Variants in GRIN2B observed in about 807,000 individuals in gnomAD.
GRIN2B encodes glutamate ionotropic receptor NMDA type subunit 2B.
In GRIN2B, 5 loss-of-function variants were observed where a neutral mutation model predicts 114.5. The ratio of observed to expected loss-of-function variants is 0.04; its 90% CI spans 0.02 to 0.09. The LOEUF (loss-of-function observed/expected upper bound fraction) is 0.09, where lower values mean the gene tolerates loss of function less well. Among genes scored for constraint, GRIN2B ranks in the 10% least tolerant of loss-of-function variants. The pLI, the probability that GRIN2B is intolerant of heterozygous loss-of-function variation, is 1.00. For missense variants in GRIN2B, 1,108 were observed against 1,943.5 expected (o/e 0.57, Z 8.08); for synonymous variants, 787 against 745.1 (o/e 1.06, Z -0.92).
intron 10 of GRIN2B, among the ~76,000 whole-genome samples, chr12:13,604,278 C>T (rs780024210): frequency 1.3e-5 from 2 of 152,124 alleles, no homozygotes; most frequent in Admixed American, 6.5e-5. Context: ...AATGTGCTAC[C>T]GCAAAATGGA....
At chr12:13,811,698 G>A (rs1396291390) in intron 3 of GRIN2B, among the ~76,000 whole-genome samples, 1 of 152,224 alleles carries the variant, frequency 6.6e-6, no homozygotes, top group Non-Finnish European at 1.5e-5. Context: ...GGCATTTCCT[G>A]CATTTCCCCT....
At chr12:13,795,519 T>C (rs1010532450) in intron 3 of GRIN2B, among the ~76,000 whole-genome samples, 1 of 152,232 alleles carries the variant, frequency 6.6e-6, no homozygotes, top group Non-Finnish European at 1.5e-5. Flanking sequence ...TTGTTGCATA[T>C]GTTGTAAGAA....
intron 2 of GRIN2B, among the ~76,000 whole-genome samples, chr12:13,919,845 T>C (rs1471642882): frequency 6.6e-6 from 1 of 152,100 alleles, no homozygotes; most frequent in Non-Finnish European, 1.5e-5. Flanking sequence ...GCAGACATTC[T>C]TGGGGTCATA....
At chr12:13,946,223 A>G (rs1252902316) in intron 2 of GRIN2B, among the ~76,000 whole-genome samples, 6 of 152,186 alleles carry the variant, frequency 3.9e-5, no homozygotes, top group Non-Finnish European at 8.8e-5. Flanking sequence ...AATTTCATTC[A>G]TCATAATCTA....
chr12:13,577,361 A>C (rs944489287), intron 10 of GRIN2B, among the ~76,000 whole-genome samples: 1 of 152,176 alleles, frequency 6.6e-6, no homozygotes, highest in African/African-American at 2.4e-5. Context: ...CAGCCCTCTG[A>C]GCTGTTCAGA....
rs1004883759 is a variant in GRIN2B at position 13,553,704 on chromosome 12, C to A, written c.*9079G>T. 4 of 152,188 alleles carry A rather than the reference C, an allele frequency of 2.6e-5. No individual in the cohort carries two copies. The highest frequency in any genetic ancestry group is 7.2e-5 in the African/African-American group (3 of 41,438). 9.4% of individuals were successfully genotyped at this position (152,188 alleles called of 1,614,324 possible). On this transcript the variant is annotated 3_prime_UTR_variant, in exon 14 of 14. Coordinates refer to ENST00000609686, the MANE Select transcript of GRIN2B (RefSeq NM_000834.5). Reference sequence around the variant, plus strand: ...AGAAGCTAAATATTGGATCACAGATCAGTCCCAGCATGGATCAGGTTATTA... The same window carrying A: ...AGAAGCTAAATATTGGATCACAGATAAGTCCCAGCATGGATCAGGTTATTA...
chr12:13,900,074 A>G (rs1004531946), intron 2 of GRIN2B, among the ~76,000 whole-genome samples: 11 of 152,200 alleles, frequency 7.2e-5, no homozygotes, highest in Non-Finnish European at 1.5e-4. Flanking sequence ...TCATATTTCA[A>G]GAACACTCTC....
chr12:13,600,389 G>A (rs866557877), intron 10 of GRIN2B, among the ~76,000 whole-genome samples: 9 of 152,238 alleles, frequency 5.9e-5, no homozygotes, highest in Middle Eastern at 3.4e-3. Context: ...AGTCTTCTAC[G>A]CACATGGGAA....
chr12:13,626,041 C>T (rs972930155), intron 5 of GRIN2B, among the ~76,000 whole-genome samples: 16 of 152,218 alleles, frequency 1.1e-4, no homozygotes, highest in Non-Finnish European at 2.9e-5. Flanking sequence ...AGCCACAACT[C>T]TCCATCCTTG....
Position 13,864,181 on chromosome 12 carries a change from G to A in GRIN2B, c.411+1617C>T, listed in dbSNP as rs903568472. Reference sequence around the variant, plus strand: ...AGAATATGTTTCTCATATGATACTGGAATGTCTTCACTTAACACTTTTAAC... The same window carrying A: ...AGAATATGTTTCTCATATGATACTGAAATGTCTTCACTTAACACTTTTAAC... On this transcript the variant is annotated intron_variant, in intron 3 of 13. Transcript: ENST00000609686. 7.2e-5 allele frequency among the ~76,000 whole-genome samples: 11 copies of A among 152,156 alleles called. 1 individual carries two copies. Among genetic ancestry groups the A allele is most frequent in the Admixed American group, 6.5e-4 (10 of 15,276 alleles).
chr12:13,939,034 C>T (rs1353649666), intron 2 of GRIN2B, among the ~76,000 whole-genome samples: 2 of 152,132 alleles, frequency 1.3e-5, no homozygotes, highest in African/African-American at 4.8e-5. Context: ...TAGGAGCTCA[C>T]CTCGAAAGAC....
Position 13,564,720 on chromosome 12 carries a change from GC to G in GRIN2B, c.2599-82del. The G allele has an allele frequency of 8.4e-7, 1 of 1,188,070 alleles. No homozygotes were observed. Among genetic ancestry groups the G allele is most frequent in the Non-Finnish European group, 1.3e-6 (1 of 799,472 alleles). The allele number at this position is 1,188,070 out of a possible 1,614,324, so 73.6% of individuals were successfully genotyped here. On this transcript the variant is annotated intron_variant, in intron 13 of 13. Coordinates refer to ENST00000609686, the MANE Select transcript of GRIN2B (RefSeq NM_000834.5). The surrounding 1 kb of genome is among the most constrained non-coding windows in gnomAD (Gnocchi z 4.8). ...AAAAAACACTCTCCCACCAATAATT[GC>G]TCCAACTGGATAAGAAAAAGGGAAA...
chr12:13,644,431 T>C (rs757316773), intron 5 of GRIN2B, among the ~76,000 whole-genome samples: 11 of 152,146 alleles, frequency 7.2e-5, no homozygotes, highest in Non-Finnish European at 1.3e-4. Context: ...TGTTTTTCCA[T>C]TGATAGAGCA....
At position 13,675,858 on chromosome 12, in the gene GRIN2B, A is replaced by G. The variant is rs200820139; in HGVS notation, c.1012T>C (p.Tyr338His). The change falls in exon 5 of 14, where the codon TAT becomes CAT. Residue 338 changes from tyrosine to histidine, a missense_variant and splice_region_variant. This residue lies in a region of GRIN2B where 199 missense variants were observed against 439.6 expected (regional missense o/e 0.45). Coordinates refer to ENST00000609686, the MANE Select transcript of GRIN2B (RefSeq NM_000834.5). The stretch of plus-strand genomic sequence containing the variant: ...CCCTCAAAAGTGACATTGATCAGAT[A>G]CCTGTAAAGATAAAATAAAAGGAAG... ...RIYQSNMLNR[Y>H]LINVTFEGRN... 6.6e-7 allele frequency: 1 copy of G among 1,505,934 alleles called. No individual in the cohort carries two copies. The highest frequency in any genetic ancestry group is 9.2e-7 in the Non-Finnish European group (1 of 1,081,604). 93.3% of individuals were successfully genotyped at this position (1,505,934 alleles called of 1,614,324 possible).
intron 2 of GRIN2B, among the ~76,000 whole-genome samples, chr12:13,964,204 G>A (rs986594923): frequency 6.6e-6 from 1 of 152,130 alleles, no homozygotes; most frequent in Admixed American, 6.5e-5. Context: ...TCCCTGGGCG[G>A]TCACGTTGGC....
At chr12:13,662,175 T>C (rs1019645800) in intron 5 of GRIN2B, among the ~76,000 whole-genome samples, 3 of 152,222 alleles carry the variant, frequency 2.0e-5, no homozygotes, top group Non-Finnish European at 4.4e-5. Context: ...GTAATGTTCA[T>C]AGCCTGATGT....
At chr12:13,639,919 C>G (rs1362658905) in intron 5 of GRIN2B, among the ~76,000 whole-genome samples, 1 of 152,082 alleles carries the variant, frequency 6.6e-6, no homozygotes, top group African/African-American at 2.4e-5. Context: ...TCTTCACCTT[C>G]TCTTCTTCTT....
intron 5 of GRIN2B, among the ~76,000 whole-genome samples, chr12:13,669,284 A>G (rs1484119095): frequency 6.6e-6 from 1 of 152,010 alleles, no homozygotes; most frequent in Admixed American, 6.6e-5. Flanking sequence ...TGATCTCCAC[A>G]CTTGGTACAA....
At chr12:13,726,913 C>T (rs995104578) in intron 4 of GRIN2B, among the ~76,000 whole-genome samples, 12 of 151,976 alleles carry the variant, frequency 7.9e-5, no homozygotes, top group Non-Finnish European at 1.5e-4. Flanking sequence ...AAGAACATAC[C>T]GTTTGGTTTT....
Sources: gnomAD v4.1 joint callset for allele counts (sites outside exome capture counted in the v4.1 genomes callset) on GRCh38, gnomAD v4.1.1 for gene constraint, gnomAD v4.1.1 regional missense constraint, Gnocchi (gnomAD v3.1) non-coding constraint, MANE v1.5 for transcripts, NCBI Gene and HGNC (gene_info 2026-07-23, HGNC 2026-07-21) for gene names.